RANBP2: variants seen among roughly 807,000 people sequenced by gnomAD.
RANBP2 encodes E3 SUMO-protein ligase RanBP2.
Under a neutral mutation model 303.6 loss-of-function variants are expected in RANBP2, and 57 were observed. The observed-to-expected ratio is 0.19, with a 90% CI of 0.15 to 0.23. The LOEUF (loss-of-function observed/expected upper bound fraction) is 0.23. RANBP2 is among the 10% of genes least tolerant of loss of function. The probability of loss-of-function intolerance (pLI) is 1.00; values close to 1 mark genes in which losing one functional copy is unlikely to be tolerated. For synonymous variants in RANBP2, 1,167 were observed against 1,301.5 expected (o/e 0.90, Z 2.23); for missense variants, 3,138 against 3,780.8 (o/e 0.83, Z 4.46).
the RANBP2 span, among the ~76,000 whole-genome samples, chr2:109,521,201 G>C: frequency 6.7e-5 from 10 of 149,452 alleles, no homozygotes; most frequent in African/African-American, 2.5e-4. Flanking sequence ...CTGGGTGACA[G>C]AGCGAGACTC....
chr2:109,017,735 C>A, the RANBP2 span, among the ~76,000 whole-genome samples: 3 of 152,092 alleles, frequency 2.0e-5, no homozygotes, highest in South Asian at 2.1e-4. Flanking sequence ...GGATATGAGA[C>A]CCTTGGAATC....
the RANBP2 span, among the ~76,000 whole-genome samples, chr2:109,356,613 T>G: frequency 6.6e-6 from 1 of 152,210 alleles, no homozygotes; most frequent in Non-Finnish European, 1.5e-5. Flanking sequence ...TCCCAGGGCT[T>G]GGCACTTAGG....
chr2:109,148,476 G>T, the RANBP2 span, among the ~76,000 whole-genome samples: 1 of 152,158 alleles, frequency 6.6e-6, no homozygotes, highest in Admixed American at 6.5e-5. Flanking sequence ...ACAAATTTCT[G>T]CACGTGTGGG....
chr2:109,366,292 T>C, the RANBP2 span, among the ~76,000 whole-genome samples: 1 of 152,194 alleles, frequency 6.6e-6, no homozygotes, highest in Non-Finnish European at 1.5e-5. Context: ...AAAATAACTA[T>C]CAAGTCCACT....
the RANBP2 span, among the ~76,000 whole-genome samples, chr2:109,277,220 C>G: frequency 1.3e-5 from 2 of 152,154 alleles, no homozygotes; most frequent in African/African-American, 4.8e-5. Flanking sequence ...CTGGTGTGCC[C>G]TGCATTTCGG....
chr2:109,345,195 C>A, the RANBP2 span, among the ~76,000 whole-genome samples: 1 of 152,214 alleles, frequency 6.6e-6, no homozygotes, highest in Non-Finnish European at 1.5e-5. Flanking sequence ...ACCTGCCACA[C>A]TACCTAAGTT....
At chr2:108,738,521 G>A (rs145690127) in intron 6 of RANBP2, among the ~76,000 whole-genome samples, 61 of 152,182 alleles carry the variant, frequency 4.0e-4, no homozygotes, top group African/African-American at 1.3e-3. Flanking sequence ...CACTGCACCC[G>A]GCTGTATGTG....
chr2:108,957,125 C>A, the RANBP2 span, among the ~76,000 whole-genome samples: 1 of 152,234 alleles, frequency 6.6e-6, no homozygotes, highest in Non-Finnish European at 1.5e-5. Flanking sequence ...ACTTGCAGTT[C>A]TACACTTTCC....
At chr2:108,887,115 C>G in the RANBP2 span, among the ~76,000 whole-genome samples, 1 of 152,154 alleles carries the variant, frequency 6.6e-6, no homozygotes, top group Non-Finnish European at 1.5e-5. Flanking sequence ...CCAATTTTCT[C>G]AGTACCATTT....
At chr2:109,518,762 G>T in the RANBP2 span, among the ~76,000 whole-genome samples, 6 of 152,128 alleles carry the variant, frequency 3.9e-5, no homozygotes, top group African/African-American at 1.4e-4. Context: ...ATAAAGAAAG[G>T]GGGTTTATTT....
At chr2:109,074,537 TA>T in the RANBP2 span, among the ~76,000 whole-genome samples, 5 of 146,714 alleles carry the variant, frequency 3.4e-5, no homozygotes, top group East Asian at 2.0e-4. Context: ...CCATCTCTAC[TA>T]AAAAATACAA....
the RANBP2 span, among the ~76,000 whole-genome samples, chr2:108,938,630 T>G: frequency 6.6e-6 from 1 of 152,288 alleles, no homozygotes; most frequent in South Asian, 2.1e-4. Flanking sequence ...AAGGATCTTG[T>G]CGAACTGACA....
the RANBP2 span, among the ~76,000 whole-genome samples, chr2:109,643,994 G>A: frequency 9.5e-3 from 1,442 of 151,558 alleles, 63 homozygotes; most frequent in East Asian, 0.12. Flanking sequence ...GGTGGCAGGC[G>A]CCTGCAATCC....
chr2:109,717,291 A>C, the RANBP2 span, among the ~76,000 whole-genome samples: 2 of 148,574 alleles, frequency 1.3e-5, no homozygotes, highest in Non-Finnish European at 3.0e-5. Flanking sequence ...AAAAAAAAAA[A>C]CCCAGTTCCA....
At chr2:109,243,423 T>C in the RANBP2 span, among the ~76,000 whole-genome samples, 2 of 152,154 alleles carry the variant, frequency 1.3e-5, no homozygotes, top group African/African-American at 4.8e-5. Context: ...GCATCAAGTG[T>C]GTGGTGGCAA....
At chr2:109,171,395 A>G in the RANBP2 span, among the ~76,000 whole-genome samples, 4 of 152,228 alleles carry the variant, frequency 2.6e-5, no homozygotes, top group Non-Finnish European at 5.9e-5. Flanking sequence ...GACTATGAAT[A>G]TTCGGAGAAA....
chr2:109,272,906 A>C, the RANBP2 span, among the ~76,000 whole-genome samples: 149 of 152,338 alleles, frequency 9.8e-4, no homozygotes, highest in African/African-American at 3.4e-3. Context: ...TGTCATGCCA[A>C]GACAGTTTCC....
At chr2:109,355,151 A>G in the RANBP2 span, among the ~76,000 whole-genome samples, 2 of 152,242 alleles carry the variant, frequency 1.3e-5, no homozygotes, top group African/African-American at 4.8e-5. Context: ...GGAATAGGGA[A>G]AACAGCATAT....
the RANBP2 span, among the ~76,000 whole-genome samples, chr2:109,673,718 G>T: frequency 3.9e-5 from 6 of 152,100 alleles, no homozygotes; most frequent in East Asian, 1.9e-4. Flanking sequence ...ACAAAAATTA[G>T]CTGGGCAAGG....
Sources: gnomAD v4.1 joint callset for allele counts (sites outside exome capture counted in the v4.1 genomes callset) on GRCh38, gnomAD v4.1.1 for gene constraint, MANE v1.5 for transcripts, NCBI Gene and HGNC (gene_info 2026-07-23, HGNC 2026-07-21) for gene names.